Variants in ZSCAN25 observed in about 807,000 individuals in gnomAD.
ZSCAN25 encodes the protein zinc finger and SCAN domain-containing protein 25.
In ZSCAN25, 27 loss-of-function variants were observed where a neutral mutation model predicts 38.7. That is an observed-to-expected ratio of 0.70 (90% CI 0.51 to 0.96). The LOEUF is 0.96. Ranked by LOEUF, ZSCAN25 falls within the 40% of genes least tolerant of loss-of-function variation. The pLI is 0.00. For synonymous variants in ZSCAN25, 273 were observed against 277.7 expected (o/e 0.98, Z 0.17); for missense variants, 637 against 705.9 (o/e 0.90, Z 1.11).
At chr7:99,660,898 A>T in the ZSCAN25 span, among the ~76,000 whole-genome samples, 2 of 152,190 alleles carry the variant, frequency 1.3e-5, no homozygotes, top group East Asian at 3.9e-4. Context: ...ACTCCTCATC[A>T]TGGCATCCCA....
the ZSCAN25 span, chr7:99,670,788 A>G: frequency 2.0e-5 from 3 of 152,220 alleles, no homozygotes; most frequent in Admixed American, 1.3e-4. Flanking sequence ...ATTAGAACCA[A>G]AATATCTGAT....
At chr7:99,660,436 G>T in the ZSCAN25 span, 1 of 1,521,908 alleles carries the variant, frequency 6.6e-7, no homozygotes, top group Non-Finnish European at 8.8e-7. Flanking sequence ...CTGGGGAGTG[G>T]TGAGGAGGCA....
the ZSCAN25 span, chr7:99,735,313 G>A: frequency 3.5e-6 from 2 of 576,138 alleles, no homozygotes; most frequent in South Asian, 3.8e-5. Flanking sequence ...CTCCACCTCG[G>A]CAGTTGGCAA....
chr7:99,655,531 C>G, the ZSCAN25 span, among the ~76,000 whole-genome samples: 13 of 152,272 alleles, frequency 8.5e-5, no homozygotes, highest in African/African-American at 3.1e-4. Context: ...CGGCTTTGTT[C>G]TTTTGGCTTA....
the ZSCAN25 span, among the ~76,000 whole-genome samples, chr7:99,707,409 G>A: frequency 6.6e-6 from 1 of 152,206 alleles, no homozygotes; most frequent in African/African-American, 2.4e-5. Context: ...TACAGCTAGT[G>A]GTTGGGAGCC....
the ZSCAN25 span, among the ~76,000 whole-genome samples, chr7:99,693,413 AC>A: frequency 6.6e-6 from 1 of 152,040 alleles, no homozygotes; most frequent in African/African-American, 2.4e-5. Flanking sequence ...TGCTGAGAGA[AC>A]CACTGCTCTC....
At chr7:99,726,398 T>C in the ZSCAN25 span, among the ~76,000 whole-genome samples, 3 of 152,228 alleles carry the variant, frequency 2.0e-5, no homozygotes, top group Non-Finnish European at 2.9e-5. Flanking sequence ...TACAGGTTTG[T>C]TCAGGATCTG....
At chr7:99,672,419 C>T in the ZSCAN25 span, among the ~76,000 whole-genome samples, 1 of 151,690 alleles carries the variant, frequency 6.6e-6, no homozygotes, top group African/African-American at 2.4e-5. Context: ...TTGCAATATA[C>T]AAGATTGCAA....
chr7:99,637,110 A>G (rs1808312979), downstream of ZSCAN25, among the ~76,000 whole-genome samples: 1 of 152,234 alleles, frequency 6.6e-6, no homozygotes, highest in South Asian at 2.1e-4. Flanking sequence ...ACATCTATAA[A>G]AAATGACTTA....
chr7:99,676,854 T>C, the ZSCAN25 span, among the ~76,000 whole-genome samples: 44 of 152,280 alleles, frequency 2.9e-4, no homozygotes, highest in Admixed American at 2.2e-3. Context: ...ATTGGCCTTA[T>C]AGAAATGTGG....
the ZSCAN25 span, among the ~76,000 whole-genome samples, chr7:99,726,801 T>G: frequency 2.0e-5 from 3 of 152,176 alleles, no homozygotes; most frequent in African/African-American, 7.2e-5. Context: ...ACATTTACTC[T>G]CCAAAGGATA....
At chr7:99,714,316 A>G in the ZSCAN25 span, among the ~76,000 whole-genome samples, 1 of 152,202 alleles carries the variant, frequency 6.6e-6, no homozygotes. Context: ...ATGTCATGGC[A>G]TACTAATTCT....
chr7:99,627,744 G>GTA (rs1807609314), intron 7 of ZSCAN25, among the ~76,000 whole-genome samples: 1 of 149,094 alleles, frequency 6.7e-6, no homozygotes, highest in Non-Finnish European at 1.5e-5. Flanking sequence ...TGCTGTATAC[G>GTA]TATATCGTAT....
chr7:99,722,192 A>C, the ZSCAN25 span: 29 of 1,432,224 alleles, frequency 2.0e-5, no homozygotes, highest in Non-Finnish European at 2.6e-5. Flanking sequence ...TAGGCTGGCA[A>C]GAGCTTCATC....
the ZSCAN25 span, chr7:99,652,613 G>T: frequency 4.5e-3 from 7,259 of 1,614,026 alleles, 23 homozygotes; most frequent in Non-Finnish European, 5.8e-3. Flanking sequence ...AAGAGCATAA[G>T]TTGGAATCAC....
chr7:99,682,521 A>C, the ZSCAN25 span, among the ~76,000 whole-genome samples: 1 of 152,160 alleles, frequency 6.6e-6, no homozygotes, highest in Non-Finnish European at 1.5e-5. Context: ...TGTTTTGGTT[A>C]TTATACCTCT....
rs1479081007 is a variant in ZSCAN25, at chr7:99,618,633, A to G, written c.-150A>G. On this transcript the variant is annotated 5_prime_UTR_variant, in exon 2 of 8. Coordinates refer to ENST00000394152, the MANE Select transcript of ZSCAN25 (RefSeq NM_145115.3). ...TGCCACCACCCTGATCTAAGCCCTT[A>G]TCATCTGCTTGAATCACTGTAAGTG... 1 of 152,116 alleles carries G rather than the reference A, an allele frequency of 6.6e-6. No homozygotes were observed. The highest frequency in any genetic ancestry group is 1.9e-4 in the East Asian group (1 of 5,188). The allele number at this position is 152,116 out of a possible 1,614,324, so 9.4% of individuals were successfully genotyped here. A position where few individuals can be genotyped will look rare whatever the true frequency, so the allele number is the denominator to read the frequency against.
chr7:99,714,342 A>C, the ZSCAN25 span, among the ~76,000 whole-genome samples: 1 of 152,184 alleles, frequency 6.6e-6, no homozygotes, highest in South Asian at 2.1e-4. Context: ...CTGATATCAA[A>C]TTTTAAGTGC....
the ZSCAN25 span, chr7:99,679,874 GC>G: frequency 1.9e-6 from 3 of 1,613,896 alleles, no homozygotes. Flanking sequence ...GGTTTCCACC[GC>G]CAAATTTGGG....
Sources: gnomAD v4.1 joint callset for allele counts (sites outside exome capture counted in the v4.1 genomes callset) on GRCh38, gnomAD v4.1.1 for gene constraint, MANE v1.5 for transcripts, NCBI Gene and HGNC (gene_info 2026-07-23, HGNC 2026-07-21) for gene names.